Variants in ST8SIA1 observed in about 807,000 individuals in gnomAD.
The protein encoded by ST8SIA1 is ST8 alpha-N-acetyl-neuraminide alpha-2,8-sialyltransferase 1, also known as alpha-N-acetylneuraminide alpha-2,8-sialyltransferase.
ST8SIA1 carries 16 observed loss-of-function variants against 35.9 expected under a neutral mutation model. That is an observed-to-expected ratio of 0.45 (90% CI 0.30 to 0.68). The LOEUF (loss-of-function observed/expected upper bound fraction) is 0.68, where lower values mean the gene tolerates loss of function less well. Ranked by LOEUF, ST8SIA1 falls within the 30% of genes least tolerant of loss-of-function variation. The pLI, the probability that ST8SIA1 is intolerant of heterozygous loss-of-function variation, is 0.09. For synonymous variants in ST8SIA1, 170 were observed against 169.6 expected (o/e 1.00, Z -0.02); for missense variants, 383 against 453.6 (o/e 0.84, Z 1.41).
At chr12:22,226,521 T>C (rs1865360115) in intron 4 of ST8SIA1, among the ~76,000 whole-genome samples, 2 of 152,190 alleles carry the variant, frequency 1.3e-5, no homozygotes, top group South Asian at 2.1e-4. Flanking sequence ...TTTTTCCTTA[T>C]TGGGTCTGAT....
intron 4 of ST8SIA1, among the ~76,000 whole-genome samples, chr12:22,207,331 G>T (rs1205836734): frequency 6.6e-6 from 1 of 152,210 alleles, no homozygotes; most frequent in Admixed American, 6.6e-5. Flanking sequence ...GGACTGAGAG[G>T]TCAAGAAAGT....
chr12:22,260,874 G>GT (rs757887864), intron 2 of ST8SIA1, among the ~76,000 whole-genome samples: 52,607 of 114,196 alleles, frequency 0.46, 13,441 homozygotes, highest in Middle Eastern at 0.63. Context: ...TATAGTTGTT[G>GT]TTTTTTTTTT....
chr12:22,277,038 T>C (rs1180231903), intron 2 of ST8SIA1, among the ~76,000 whole-genome samples: 3 of 152,152 alleles, frequency 2.0e-5, no homozygotes, highest in Non-Finnish European at 4.4e-5. Context: ...AGTCTCTCAA[T>C]CACCCCAGGG....
intron 4 of ST8SIA1, among the ~76,000 whole-genome samples, chr12:22,248,399 C>A (rs1865628684): frequency 1.3e-5 from 2 of 151,950 alleles, no homozygotes; most frequent in South Asian, 4.2e-4. Context: ...AGACTGACCC[C>A]CTCCCCCACC....
intron 4 of ST8SIA1, among the ~76,000 whole-genome samples, chr12:22,226,304 T>C (rs943547818): frequency 3.3e-5 from 5 of 152,236 alleles, no homozygotes; most frequent in Admixed American, 2.0e-4. Flanking sequence ...ACCTTGACTC[T>C]TACTCCATTG....
intron 4 of ST8SIA1, 65 bp downstream of exon 4, chr12:22,248,941 G>C (rs1865634336): frequency 1.6e-6 from 2 of 1,242,108 alleles, no homozygotes; most frequent in South Asian, 2.5e-5. Flanking sequence ...CACTGCCTTT[G>C]AAATGCTAAG....
At chr12:22,247,921 C>T (rs1366450821) in intron 4 of ST8SIA1, among the ~76,000 whole-genome samples, 4 of 151,990 alleles carry the variant, frequency 2.6e-5, no homozygotes, top group Non-Finnish European at 5.9e-5. Flanking sequence ...AGAAAAAATA[C>T]TAATAGTCAA....
chr12:22,307,978 G>T (rs898058558), intron 1 of ST8SIA1, among the ~76,000 whole-genome samples: 6 of 152,108 alleles, frequency 3.9e-5, no homozygotes, highest in Non-Finnish European at 5.9e-5. Context: ...ATTTTGAGAT[G>T]AGAGGTCACA....
chr12:22,302,243 CT>C (rs1275640010), intron 1 of ST8SIA1, among the ~76,000 whole-genome samples: 11 of 151,778 alleles, frequency 7.2e-5, no homozygotes, highest in East Asian at 1.9e-4. Flanking sequence ...CTTTCTTTTC[CT>C]TTTTCCCCCC....
At chr12:22,204,122 A>T (rs1865079832) in intron 4 of ST8SIA1, among the ~76,000 whole-genome samples, 1 of 151,978 alleles carries the variant, frequency 6.6e-6, no homozygotes, top group Non-Finnish European at 1.5e-5. Flanking sequence ...CTGTATCTTG[A>T]GACAAGCTGT....
intron 1 of ST8SIA1, among the ~76,000 whole-genome samples, chr12:22,302,280 AAACT>A (rs1386575611): frequency 1.3e-5 from 2 of 152,104 alleles, no homozygotes; most frequent in South Asian, 2.1e-4. Flanking sequence ...AAATCACTAA[AAACT>A]AACCTTTGCT....
intron 4 of ST8SIA1, among the ~76,000 whole-genome samples, chr12:22,232,761 C>T (rs1320511152): frequency 6.6e-6 from 1 of 152,018 alleles, no homozygotes; most frequent in African/African-American, 2.4e-5. Flanking sequence ...ATGGTTTGAA[C>T]CCGGGAGGCG....
chr12:22,308,704 T>C (rs191945177), intron 1 of ST8SIA1, among the ~76,000 whole-genome samples: 100 of 150,566 alleles, frequency 6.6e-4, no homozygotes, highest in African/African-American at 2.4e-3. Context: ...GATATCTGAA[T>C]GATCAAATCA....
intron 1 of ST8SIA1, among the ~76,000 whole-genome samples, chr12:22,326,500 G>A (rs1317226180): frequency 6.6e-6 from 1 of 152,162 alleles, no homozygotes; most frequent in Non-Finnish European, 1.5e-5. Context: ...TCCTCTCAAG[G>A]TAACTATTGC....
At position 22,255,323 on chromosome 12, in the gene ST8SIA1, T is replaced by C; in HGVS notation, c.448A>G (p.Ser150Gly). 6.2e-7 allele frequency: 1 copy of C among 1,614,206 alleles called. No homozygotes were observed. Among genetic ancestry groups the C allele is most frequent in the East Asian group, 2.2e-5 (1 of 44,894 alleles). The change falls in exon 3 of 5, where the codon AGT becomes GGT. Residue 150 changes from serine (S) to glycine (G), a missense_variant. Physicochemically the swap from Ser to Gly is moderately conservative, Grantham distance 56. Coordinates refer to ENST00000396037, the MANE Select transcript of ST8SIA1 (RefSeq NM_003034.4). ...TCATCTATTTGACGGCCACAGCCAC[T>C]CTTCTTCAGAATCCCACCATTTCCC... ...VVGNGGILKK[S>G]GCGRQIDEAN...
intron 4 of ST8SIA1, among the ~76,000 whole-genome samples, chr12:22,205,607 T>C (rs1473847925): frequency 6.6e-6 from 1 of 152,140 alleles, no homozygotes; most frequent in Non-Finnish European, 1.5e-5. Flanking sequence ...CAAATAATTT[T>C]AAGATAAGTA....
At chr12:22,228,565 G>C (rs1865382532) in intron 4 of ST8SIA1, among the ~76,000 whole-genome samples, 1 of 152,184 alleles carries the variant, frequency 6.6e-6, no homozygotes, top group East Asian at 1.9e-4. Flanking sequence ...AGAATAAAAA[G>C]ATAAAAAGAG....
chr12:22,315,058 C>T (rs1299483848), intron 1 of ST8SIA1, among the ~76,000 whole-genome samples: 1 of 152,158 alleles, frequency 6.6e-6, no homozygotes, highest in East Asian at 1.9e-4. Context: ...TTAAGTTCAG[C>T]ACTCCTCTCT....
chr12:22,286,650 T>G, intron 2 of ST8SIA1: 1 of 435,786 alleles, frequency 2.3e-6, no homozygotes, highest in Non-Finnish European at 4.5e-6. Context: ...TTAGACCACT[T>G]CAAAAGTGGT....
Sources: gnomAD v4.1 joint callset for allele counts (sites outside exome capture counted in the v4.1 genomes callset) on GRCh38, gnomAD v4.1.1 for gene constraint, MANE v1.5 for transcripts, NCBI Gene and HGNC (gene_info 2026-07-23, HGNC 2026-07-21) for gene names.